Variants in DSCAML1 observed in about 807,000 individuals in gnomAD.
DSCAML1 encodes cell adhesion molecule DSCAML1.
In DSCAML1, 38 loss-of-function variants were observed where a neutral mutation model predicts 200.5. The observed-to-expected ratio is 0.19, with a 90% confidence interval of 0.15 to 0.25. The LOEUF is 0.25. Among genes scored for constraint, DSCAML1 ranks in the 10% least tolerant of loss-of-function variants. The probability of loss-of-function intolerance (pLI) is 1.00; values close to 1 mark genes in which losing one functional copy is unlikely to be tolerated. For missense variants in DSCAML1, 2,223 were observed against 2,858.8 expected (o/e 0.78, Z 5.07); for synonymous variants, 1,215 against 1,165.0 (o/e 1.04, Z -0.87).
chr11:117,638,423 G>A (rs1324813788), intron 3 of DSCAML1, among the ~76,000 whole-genome samples: 11 of 150,700 alleles, frequency 7.3e-5, no homozygotes, highest in Admixed American at 7.3e-4. Context: ...CATACAAAAT[G>A]TACAGTTCAG....
chr11:117,448,494 A>G (rs146717577), intron 20 of DSCAML1, among the ~76,000 whole-genome samples: 246 of 152,254 alleles, frequency 1.6e-3, no homozygotes, highest in African/African-American at 5.2e-3. Context: ...ACTGCCTTCA[A>G]ATGCATTCAG....
At chr11:117,776,668 G>A in intron 3 of DSCAML1, 123 bp downstream of exon 3, 5 of 1,155,634 alleles carry the variant, frequency 4.3e-6, no homozygotes, top group Non-Finnish European at 6.1e-6. Context: ...ACAATAACAA[G>A]TCACTCCCCA....
At chr11:117,560,263 G>A (rs1004675406) in intron 3 of DSCAML1, among the ~76,000 whole-genome samples, 2 of 152,068 alleles carry the variant, frequency 1.3e-5, no homozygotes, top group Non-Finnish European at 2.9e-5. Flanking sequence ...CTACGGTTTT[G>A]GATACAGTAT....
At chr11:117,777,573 C>G (rs2055151012) in intron 2 of DSCAML1, among the ~76,000 whole-genome samples, 1 of 152,216 alleles carries the variant, frequency 6.6e-6, no homozygotes. Context: ...TCTGAGCACA[C>G]AGAATCCTAG....
At chr11:117,653,574 C>T (rs993483762) in intron 3 of DSCAML1, among the ~76,000 whole-genome samples, 5 of 152,126 alleles carry the variant, frequency 3.3e-5, no homozygotes, top group African/African-American at 9.7e-5. Flanking sequence ...GAGAGGACAT[C>T]GAGAATCTGG....
intron 3 of DSCAML1, among the ~76,000 whole-genome samples, chr11:117,533,862 A>G (rs1276625508): frequency 6.6e-6 from 1 of 152,222 alleles, no homozygotes; most frequent in African/African-American, 2.4e-5. Context: ...CCTCCCACTG[A>G]GGCCAGACTG....
chr11:117,761,816 A>G (rs34352231), intron 3 of DSCAML1, among the ~76,000 whole-genome samples: 20,063 of 152,260 alleles, frequency 0.13, 1,407 homozygotes, highest in South Asian at 0.18. Context: ...GGCTGCAGTG[A>G]GCTGAGACTA....
At chr11:117,807,011 C>A (rs1255560046) in intron 1 of DSCAML1, among the ~76,000 whole-genome samples, 2 of 152,204 alleles carry the variant, frequency 1.3e-5, no homozygotes, top group Non-Finnish European at 2.9e-5. Flanking sequence ...GAGGCCAAAT[C>A]CTCTTTCTCA....
At chr11:117,589,117 C>G (rs1428214692) in intron 3 of DSCAML1, among the ~76,000 whole-genome samples, 1 of 152,170 alleles carries the variant, frequency 6.6e-6, no homozygotes, top group Non-Finnish European at 1.5e-5. Context: ...TCAGATGGGA[C>G]TGGTGGCCTC....
intron 3 of DSCAML1, among the ~76,000 whole-genome samples, chr11:117,562,310 C>T (rs963758157): frequency 6.6e-6 from 1 of 152,192 alleles, no homozygotes; most frequent in Non-Finnish European, 1.5e-5. Flanking sequence ...TGGGCTGCTC[C>T]CATACACACA....
chr11:117,512,333 T>C (rs1186893728), intron 8 of DSCAML1, among the ~76,000 whole-genome samples: 1 of 148,918 alleles, frequency 6.7e-6, no homozygotes, highest in East Asian at 2.0e-4. Flanking sequence ...GGGCACCTCC[T>C]CCACCCCCCT....
intron 18 of DSCAML1, among the ~76,000 whole-genome samples, chr11:117,459,258 G>C (rs1367361741): frequency 6.6e-6 from 1 of 152,238 alleles, no homozygotes; most frequent in Non-Finnish European, 1.5e-5. Context: ...CCTTCCCATG[G>C]GAGAGCCCAG....
chr11:117,617,128 A>T (rs892479264), intron 3 of DSCAML1, among the ~76,000 whole-genome samples: 3 of 152,248 alleles, frequency 2.0e-5, no homozygotes, highest in Non-Finnish European at 4.4e-5. Flanking sequence ...TGCAGAGAAG[A>T]AGATGGGGGC....
rs369163373 is a variant in DSCAML1, at chr11:117,432,336, T to C, written c.5179+16A>G. ...CCGGTTGGGAAAAGGGCTGTCTCCC[T>C]GGGGATAATGCGTACTGGTTCCTGG... On this transcript the variant is annotated intron_variant, in intron 30 of 32. Transcript: ENST00000651296. 13 of 1,608,506 alleles carry C rather than the reference T, an allele frequency of 8.1e-6. No individual in the cohort carries two copies. The highest frequency in any genetic ancestry group is 1.1e-5 in the South Asian group (1 of 89,782).
At chr11:117,536,506 C>T (rs1181475801) in intron 3 of DSCAML1, among the ~76,000 whole-genome samples, 1 of 152,208 alleles carries the variant, frequency 6.6e-6, no homozygotes, top group Admixed American at 6.5e-5. Context: ...ATCCTGAAGC[C>T]ACTTGGACAG....
In DSCAML1 at chr11:117,768,937, G is replaced by A. The variant is rs188861845; in HGVS notation, c.511+7854C>T. ...CTAAAAATACAAAAATTAGCCAGGC[G>A]TGGTGGTGTGTGCCTGTAATCCCAG... On this transcript the variant is annotated intron_variant, in intron 3 of 32. Transcript: ENST00000651296. Among the ~76,000 whole-genome samples, 918 of 150,752 alleles carry A rather than the reference G, an allele frequency of 6.1e-3. 5 individuals carry two copies. Among genetic ancestry groups the A allele is most frequent in the African/African-American group, 0.017 (707 of 41,020 alleles).
chr11:117,477,254 A>G (rs1244325701), intron 14 of DSCAML1, among the ~76,000 whole-genome samples: 1 of 139,164 alleles, frequency 7.2e-6, no homozygotes, highest in Non-Finnish European at 1.6e-5. Flanking sequence ...TCTTTGAGTC[A>G]TCCTCTGTTC....
chr11:117,687,853 T>C (rs1565874896), intron 3 of DSCAML1, among the ~76,000 whole-genome samples: 1 of 152,158 alleles, frequency 6.6e-6, no homozygotes, highest in African/African-American at 2.4e-5. Flanking sequence ...CCAGGGAGCT[T>C]AGGGGAAAGA....
In DSCAML1 at chr11:117,726,097, C is replaced by T. The variant is rs895392046; in HGVS notation, c.511+50694G>A. ...CACCGCAGCCATAGGACACCACCCACGAGAAGCAGGACGAAGTGGGAATCA... is the reference window on the plus strand; with the variant it reads ...CACCGCAGCCATAGGACACCACCCATGAGAAGCAGGACGAAGTGGGAATCA... On this transcript the variant is annotated intron_variant, in intron 3 of 32. Transcript: ENST00000651296. Among the ~76,000 whole-genome samples, 6 of 152,330 alleles carry T rather than the reference C, an allele frequency of 3.9e-5. No homozygotes were observed. The East Asian group carries it at 9.7e-4, about 25-fold the overall frequency.
Sources: allele counts gnomAD v4.1 joint callset (sites outside exome capture counted in the v4.1 genomes callset), GRCh38; gene constraint gnomAD v4.1.1; transcripts MANE v1.5; gene names NCBI Gene and HGNC (gene_info 2026-07-23, HGNC 2026-07-21).